CCDC171: variants seen among roughly 807,000 people sequenced by gnomAD.
CCDC171 encodes the protein coiled-coil domain containing 171, also known as coiled-coil domain-containing protein 171.
Under a neutral mutation model 168.2 loss-of-function variants are expected in CCDC171, and 177 were observed. The ratio of observed to expected loss-of-function variants is 1.05; its 90% confidence interval spans 0.93 to 1.19. CCDC171 has a LOEUF of 1.19. CCDC171 is among the 50% of genes most tolerant of loss of function. CCDC171 has a pLI of 0.00. For synonymous variants in CCDC171, 687 were observed against 540.8 expected (o/e 1.27, Z -3.75); for missense variants, 1,991 against 1,539.0 (o/e 1.29, Z -4.91).
intron 21 of CCDC171, among the ~76,000 whole-genome samples, chr9:15,843,601 C>G (rs1397922409): frequency 6.6e-6 from 1 of 152,118 alleles, no homozygotes; most frequent in Admixed American, 6.6e-5. Context: ...GTATGTTTTT[C>G]CTTTAATTTC....
At chr9:16,017,662 T>G (rs966715669) in intron 3 of CCDC171, among the ~76,000 whole-genome samples, 19 of 152,230 alleles carry the variant, frequency 1.2e-4, no homozygotes, top group African/African-American at 1.9e-4. Flanking sequence ...GCACAAGTAT[T>G]AATAATATCA....
intron 21 of CCDC171, among the ~76,000 whole-genome samples, chr9:15,801,538 A>G (rs2058821123): frequency 6.6e-6 from 1 of 152,084 alleles, no homozygotes; most frequent in Admixed American, 6.6e-5. Flanking sequence ...GTTTTTCCAA[A>G]TATAAGATCA....
intron 3 of CCDC171, among the ~76,000 whole-genome samples, chr9:15,985,089 A>G (rs1343633897): frequency 6.6e-6 from 1 of 152,168 alleles, no homozygotes; most frequent in African/African-American, 2.4e-5. Flanking sequence ...TAAATTTCCT[A>G]CAATGAACAT....
chr9:16,102,178 G>T, the CCDC171 span, among the ~76,000 whole-genome samples: 2 of 152,130 alleles, frequency 1.3e-5, no homozygotes, highest in Admixed American at 1.3e-4. Context: ...ACTAACTCCT[G>T]TGAGCCTCCT....
intron 6 of CCDC171, among the ~76,000 whole-genome samples, chr9:15,611,041 G>A (rs1419572463): frequency 1.3e-5 from 2 of 152,064 alleles, no homozygotes; most frequent in Non-Finnish European, 2.9e-5. Flanking sequence ...GAATGGTTTA[G>A]CACCATTCCT....
intron 1 of CCDC171, among the ~76,000 whole-genome samples, chr9:15,561,908 C>T (rs1001729350): frequency 6.6e-6 from 1 of 152,066 alleles, no homozygotes; most frequent in African/African-American, 2.4e-5. Flanking sequence ...CTGCCTGTTA[C>T]TCAAGATTTT....
At chr9:15,954,722 A>G (rs1332210483) in intron 25 of CCDC171, among the ~76,000 whole-genome samples, 1 of 149,042 alleles carries the variant, frequency 6.7e-6, no homozygotes, top group South Asian at 2.1e-4. Flanking sequence ...TGAATTTTTC[A>G]TTTCAGTCAT....
intron 16 of CCDC171, 147 bp downstream of exon 16, chr9:15,729,945 ATACACACACATACG>A: frequency 1.8e-6 from 1 of 566,012 alleles, no homozygotes; most frequent in Non-Finnish European, 3.1e-6. Context: ...ATTTGTTTAG[ATACACACACATACG>A]TGTGTGTGTA....
At position 15,867,465 on chromosome 9, in the gene CCDC171, C is replaced by T. The variant is rs76718919; in HGVS notation, c.3469-7067C>T. 5.8e-3 allele frequency among the ~76,000 whole-genome samples: 887 copies of T among 152,076 alleles called. 11 individuals are homozygous for T. The highest frequency in any genetic ancestry group is 0.021 in the African/African-American group (856 of 41,510). On this transcript the variant is annotated intron_variant, in intron 23 of 25. Transcript: ENST00000380701. ...TCAATGACTCTCTAAATGTTACTTA[C>T]GGTCTTTGAACTCTATTCTCAGTTT... is the stretch of plus-strand genomic sequence containing the variant.
intron 23 of CCDC171, among the ~76,000 whole-genome samples, chr9:15,852,598 A>C (rs2130836073): frequency 2.0e-5 from 3 of 151,626 alleles, no homozygotes; most frequent in Middle Eastern, 6.8e-3. Flanking sequence ...ATGAAATCTA[A>C]TTTTTTTCTT....
At chr9:15,977,989 A>C (rs1313831418), downstream of CCDC171, among the ~76,000 whole-genome samples, 4 of 150,940 alleles carry the variant, frequency 2.7e-5, no homozygotes. Context: ...CTTTTTCTTC[A>C]AACAGTAACC....
intron 7 of CCDC171, among the ~76,000 whole-genome samples, chr9:15,626,436 T>C (rs971829663): frequency 1.3e-5 from 2 of 152,194 alleles, no homozygotes; most frequent in Non-Finnish European, 2.9e-5. Context: ...TTTAGTATGA[T>C]ATTGGCTGTG....
At chr9:15,944,128 T>C (rs1326245146) in intron 25 of CCDC171, among the ~76,000 whole-genome samples, 1 of 151,908 alleles carries the variant, frequency 6.6e-6, no homozygotes, top group East Asian at 1.9e-4. Flanking sequence ...CCCTTACAGG[T>C]TTTTTTGTGA....
Position 15,790,686 on chromosome 9 carries a change from A to T in CCDC171, c.3267+5992A>T, listed in dbSNP as rs562386716. ...AGTCCTTGCCCATGCCTATGTCCTG[A>T]ATGGTATTGCCTAGGTTTTCTTCTA... is the stretch of plus-strand genomic sequence containing the variant. On this transcript the variant is annotated intron_variant, in intron 21 of 25. Transcript: ENST00000380701. Among the ~76,000 whole-genome samples the T allele has an allele frequency of 2.5e-4, 38 of 152,140 alleles. No homozygotes were observed. The South Asian group carries it at 3.7e-3, about 15-fold the overall frequency.
intron 4 of CCDC171, among the ~76,000 whole-genome samples, chr9:15,586,092 A>T (rs2041537787): frequency 6.6e-6 from 1 of 152,210 alleles, no homozygotes; most frequent in Admixed American, 6.5e-5. Flanking sequence ...AATGATATAC[A>T]TGCTGAACTA....
intron 3 of CCDC171, among the ~76,000 whole-genome samples, chr9:15,577,806 C>G (rs1177184712): frequency 1.3e-5 from 2 of 152,196 alleles, no homozygotes; most frequent in East Asian, 1.9e-4. Flanking sequence ...GAAGGAGGGA[C>G]TATCCATAAG....
At chr9:15,596,614 AC>A (rs1441342210) in intron 6 of CCDC171, among the ~76,000 whole-genome samples, 1 of 151,526 alleles carries the variant, frequency 6.6e-6, no homozygotes, top group Non-Finnish European at 1.5e-5. Context: ...CTTAGGATTG[AC>A]TTGGCAATGT....
At chr9:15,633,788 T>C (rs566113250) in intron 7 of CCDC171, among the ~76,000 whole-genome samples, 1 of 152,162 alleles carries the variant, frequency 6.6e-6, no homozygotes, top group African/African-American at 2.4e-5. Context: ...TGTCCAACAA[T>C]GATAGACTGG....
chr9:15,982,130 T>A (rs1831816660), intron 3 of CCDC171, among the ~76,000 whole-genome samples: 1 of 152,194 alleles, frequency 6.6e-6, no homozygotes, highest in South Asian at 2.1e-4. Context: ...TGAAGGCTGA[T>A]GTATGAGTGC....
Sources: gnomAD v4.1 joint callset for allele counts (sites outside exome capture counted in the v4.1 genomes callset) on GRCh38, gnomAD v4.1.1 for gene constraint, MANE v1.5 for transcripts, NCBI Gene and HGNC (gene_info 2026-07-23, HGNC 2026-07-21) for gene names.